The following DNAH6 variants were observed in gnomAD, a reference collection of about 807,000 sequenced individuals.
The protein encoded by DNAH6 is dynein axonemal heavy chain 6, also known as axonemal beta dynein heavy chain 6.
A neutral mutation model predicts 491.4 loss-of-function variants in DNAH6; 340 were observed. That is an observed-to-expected ratio of 0.69 (90% CI 0.63 to 0.76). DNAH6 has a LOEUF of 0.76. DNAH6 is among the 30% of genes least tolerant of loss of function. DNAH6 has a pLI of 0.00. For synonymous variants in DNAH6, 1,603 were observed against 1,686.1 expected (o/e 0.95, Z 1.21); for missense variants, 4,443 against 4,972.2 (o/e 0.89, Z 3.20).
rs1680480350 is a variant in DNAH6, at chr2:84,560,016, G to A, written c.1803+2081G>A. On this transcript the variant is annotated intron_variant, in intron 11 of 76. Coordinates refer to ENST00000389394, the MANE Select transcript of DNAH6 (RefSeq NM_001370.2). ...ATAAGATAGAGAAATCAGTAAAATG[G>A]TTCAGAGACAAAATAATTATAATGG... Among the ~76,000 whole-genome samples, 3 of 152,064 alleles carry A rather than the reference G, an allele frequency of 2.0e-5. No homozygotes were observed. In the South Asian group the frequency reaches 6.2e-4, roughly 32 times the overall value.
intron 33 of DNAH6, among the ~76,000 whole-genome samples, chr2:84,647,805 A>T (rs1029336664): frequency 6.6e-6 from 1 of 152,240 alleles, no homozygotes; most frequent in African/African-American, 2.4e-5. Context: ...AAAAGGCATC[A>T]TTCTATAGCA....
At chr2:84,524,910 A>G (rs1676471718) in intron 2 of DNAH6, among the ~76,000 whole-genome samples, 1 of 152,096 alleles carries the variant, frequency 6.6e-6, no homozygotes, top group Non-Finnish European at 1.5e-5. Context: ...GTGGCTCAAA[A>G]GGGATTTTTA....
intron 9 of DNAH6, among the ~76,000 whole-genome samples, chr2:84,552,618 C>A (rs1184958951): frequency 6.6e-6 from 1 of 151,998 alleles, no homozygotes; most frequent in Non-Finnish European, 1.5e-5. Context: ...TAGTTCTATT[C>A]AAATATTATC....
intron 71 of DNAH6, among the ~76,000 whole-genome samples, chr2:84,806,878 G>A (rs181179751): frequency 6.6e-6 from 1 of 152,260 alleles, no homozygotes; most frequent in East Asian, 1.9e-4. Flanking sequence ...TCAAGAGAAT[G>A]TCTACTTGGG....
chr2:84,637,576 A>C (rs919605062), intron 31 of DNAH6, among the ~76,000 whole-genome samples, 199 bp downstream of exon 31: 1 of 152,202 alleles, frequency 6.6e-6, no homozygotes, highest in Non-Finnish European at 1.5e-5. Flanking sequence ...TAATACCCAA[A>C]ATGGTATCTG....
chr2:84,675,942 GA>G (rs1232513371), intron 40 of DNAH6, among the ~76,000 whole-genome samples: 2 of 152,124 alleles, frequency 1.3e-5, no homozygotes, highest in African/African-American at 4.8e-5. Flanking sequence ...TTATTTTTAA[GA>G]ACATTGATTT....
chr2:84,693,364 A>G (rs1033832735), intron 45 of DNAH6, among the ~76,000 whole-genome samples: 1 of 151,204 alleles, frequency 6.6e-6, no homozygotes, highest in African/African-American at 2.4e-5. Context: ...TGGATTTTCC[A>G]TCTCTACCCA....
At chr2:84,496,306 T>C in the DNAH6 span, among the ~76,000 whole-genome samples, 6,416 of 152,302 alleles carry the variant, frequency 0.042, 443 homozygotes, top group African/African-American at 0.15. Flanking sequence ...GATATGGTCT[T>C]TATTTTTAAA....
intron 4 of DNAH6, among the ~76,000 whole-genome samples, chr2:84,541,740 A>C (rs186446320): frequency 2.0e-5 from 3 of 152,242 alleles, no homozygotes; most frequent in African/African-American, 7.2e-5. Context: ...TTGAACTTCA[A>C]GTGAAGATGT....
At chr2:84,679,289 G>A (rs975265819) in intron 41 of DNAH6, among the ~76,000 whole-genome samples, 1 of 152,062 alleles carries the variant, frequency 6.6e-6, no homozygotes, top group Non-Finnish European at 1.5e-5. Context: ...TATGCAGGGA[G>A]CGCACCACTA....
chr2:84,709,531 T>C lies in DNAH6; in HGVS notation c.9237T>C (p.Ile3079=). 1 of 1,551,754 alleles carries C rather than the reference T, an allele frequency of 6.4e-7. No individual in the cohort carries two copies. The highest frequency in any genetic ancestry group is 8.7e-7 in the Non-Finnish European group (1 of 1,147,006). The change falls in exon 55 of 77, where the codon ATT becomes ATC. Residue 3079 remains isoleucine (I), a synonymous_variant. Transcript: ENST00000389394. The part of the protein sequence containing the change: ...VTQGRRWPLM[I]DPQDQANRWI... ...AAGGCAGAAGATGGCCTTTGATGAT[T>C]GATCCCCAAGATCAGGTGTGTAGCA...
chr2:84,479,675 G>C, the DNAH6 span, among the ~76,000 whole-genome samples: 4 of 152,194 alleles, frequency 2.6e-5, no homozygotes, highest in Non-Finnish European at 4.4e-5. Flanking sequence ...CCATAAAAGA[G>C]ACCCAAGAGT....
At chr2:84,484,886 G>T in the DNAH6 span, among the ~76,000 whole-genome samples, 1 of 152,138 alleles carries the variant, frequency 6.6e-6, no homozygotes, top group Non-Finnish European at 1.5e-5. Context: ...GTGCATCAGG[G>T]TTGCAAATAC....
At position 84,705,622 on chromosome 2, in the gene DNAH6, C is replaced by A; in HGVS notation, c.8602C>A (p.Pro2868Thr). 1.3e-6 allele frequency: 2 copies of A among 1,551,346 alleles called. No homozygotes were observed. Among genetic ancestry groups the A allele is most frequent in the South Asian group, 2.4e-5 (2 of 84,018 alleles). Residue 2868 changes from proline (P) to threonine (T), a missense_variant, in exon 52 of 77, where the codon CCT (proline) becomes ACT (threonine). Coordinates refer to ENST00000389394, the MANE Select transcript of DNAH6 (RefSeq NM_001370.2). ...GTATATTAATAATCCTGATTTTGTG[C>A]CTGAAAAAGTGGAGAAAGTGTCCAA... is the stretch of plus-strand genomic sequence containing the variant. ...QKYINNPDFV[P>T]EKVEKVSKAC...
At chr2:84,816,631 G>A (rs1211912889) in intron 76 of DNAH6, among the ~76,000 whole-genome samples, 1 of 152,186 alleles carries the variant, frequency 6.6e-6, no homozygotes, top group Non-Finnish European at 1.5e-5. Flanking sequence ...GCTGAGGCAG[G>A]AGAATCACTT....
At chr2:84,574,325 C>G (rs955633847) in intron 12 of DNAH6, among the ~76,000 whole-genome samples, 2 of 151,918 alleles carry the variant, frequency 1.3e-5, no homozygotes, top group Non-Finnish European at 2.9e-5. Context: ...GTTTACTATG[C>G]TGAAGTATTC....
the DNAH6 span, among the ~76,000 whole-genome samples, chr2:84,481,280 G>A: frequency 6.6e-6 from 1 of 152,080 alleles, no homozygotes; most frequent in Admixed American, 6.5e-5. Context: ...TATGATTTTA[G>A]GCAAAGACTT....
At chr2:84,698,267 T>C (rs1205036045) in intron 47 of DNAH6, among the ~76,000 whole-genome samples, 1 of 152,236 alleles carries the variant, frequency 6.6e-6, no homozygotes, top group African/African-American at 2.4e-5. Flanking sequence ...TTCTTTCTTA[T>C]ATCTTTACTG....
chr2:84,497,215 C>T, the DNAH6 span, among the ~76,000 whole-genome samples: 1 of 152,138 alleles, frequency 6.6e-6, no homozygotes. Context: ...TAGTGACCCG[C>T]CAGCCTTGGC....
Sources: allele counts gnomAD v4.1 joint callset (sites outside exome capture counted in the v4.1 genomes callset), GRCh38; gene constraint gnomAD v4.1.1; transcripts MANE v1.5; gene names NCBI Gene and HGNC (gene_info 2026-07-23, HGNC 2026-07-21).